GPRIN2: variants seen among roughly 807,000 people sequenced by gnomAD.
The protein encoded by GPRIN2 is G protein-regulated inducer of neurite outgrowth 2.
GPRIN2 carries 1 observed loss-of-function variant against 0.3 expected under a neutral mutation model. That is an observed-to-expected ratio of 3.90 (90% CI 1.39 to 18.51). The LOEUF is 18.51. Among genes scored for constraint, GPRIN2 ranks in the 30% most tolerant of loss-of-function variants. GPRIN2 has a pLI of 0.11. For missense variants in GPRIN2, 880 were observed against 604.2 expected (o/e 1.46, Z -4.79); for synonymous variants, 361 against 258.6 (o/e 1.40, Z -3.80).
chr10:46,550,978 C>G (rs1374810697), intron 2 of GPRIN2, among the ~76,000 whole-genome samples: 11 of 152,424 alleles, frequency 7.2e-5, no homozygotes, highest in African/African-American at 2.6e-4. Flanking sequence ...TCATCAGTCT[C>G]AAGCAGTTAG....
rs1386529729 is a variant in GPRIN2 at position 46,544,019 on chromosome 10, C to T, written c.*5341G>A. Among the ~76,000 whole-genome samples, 3 of 152,288 alleles carry T rather than the reference C, an allele frequency of 2.0e-5. No individual in the cohort carries two copies. The highest frequency in any genetic ancestry group is 6.5e-5 in the Admixed American group (1 of 15,294). On this transcript the variant is annotated 3_prime_UTR_variant, in exon 3 of 3. Transcript: ENST00000374314. ...AGGTGTTCTTCTGCTTTATTATTCC[C>T]GTGTAGCCACAGCAACAGAACTGGC...
chr10:46,556,153 GGGTA>G (rs1843194658), intron 1 of GPRIN2, among the ~76,000 whole-genome samples: 1 of 152,310 alleles, frequency 6.6e-6, no homozygotes, highest in Non-Finnish European at 1.5e-5. Flanking sequence ...GCTGGGGGCG[GGGTA>G]GGCGGCGCAG....
At chr10:46,555,627 T>A (rs887513442) in intron 1 of GPRIN2, 26 of 154,194 alleles carry the variant, frequency 1.7e-4, no homozygotes, top group African/African-American at 6.2e-4. Context: ...AGGAAAGGGT[T>A]CTGGGGTAAC....
rs1832845247 is a variant in GPRIN2 at position 46,547,537 on chromosome 10, C to T, written c.*1823G>A. Among the ~76,000 whole-genome samples, 20 of 152,306 alleles carry T rather than the reference C, an allele frequency of 1.3e-4. No homozygotes were observed. Among genetic ancestry groups the T allele is most frequent in the Non-Finnish European group, 1.0e-4 (7 of 68,052 alleles). ...TATCTGACCAGGCTGTTCCATCTGC[C>T]AGGCAGGTCCTGCCCTCTCTCCACC... On this transcript the variant is annotated 3_prime_UTR_variant, in exon 3 of 3. Coordinates refer to ENST00000374314, the MANE Select transcript of GPRIN2 (RefSeq NM_001385282.1).
At position 46,546,381 on chromosome 10, in the gene GPRIN2, G is replaced by A. The variant is rs1842163287; in HGVS notation, c.*2979C>T. ...TTCCTGCTGAGGCAAGGGGCTCTAG[G>A]ACTCCAGGGTTTATGCTCCAAAGAA... On this transcript the variant is annotated 3_prime_UTR_variant, in exon 3 of 3. Coordinates refer to ENST00000374314, the MANE Select transcript of GPRIN2 (RefSeq NM_001385282.1). Among the ~76,000 whole-genome samples, 1 of 152,310 alleles carries A rather than the reference G, an allele frequency of 6.6e-6. No individual in the cohort carries two copies. Among genetic ancestry groups the A allele is most frequent in the African/African-American group, 2.4e-5 (1 of 41,488 alleles).
At position 46,550,262 on chromosome 10, in the gene GPRIN2, C is replaced by A. The variant is rs782247071; in HGVS notation, c.475G>T (p.Gly159Cys). The A allele has an allele frequency of 6.2e-7, 1 of 1,611,090 alleles. No homozygotes were observed. Reference sequence around the variant, plus strand: ...TGGCCACCCTGGCCAGAAGTACCACCTGGCTGCAGCTGAGCCCTGTGGACA... The same window carrying A: ...TGGCCACCCTGGCCAGAAGTACCACATGGCTGCAGCTGAGCCCTGTGGACA... The part of the protein sequence containing the change: ...SPVHRAQLQP[G>C]GTSGQGGQAP... The change falls in exon 3 of 3, where the codon GGT becomes TGT. Residue 159 changes from glycine to cysteine, a missense_variant. Coordinates refer to ENST00000374314, the MANE Select transcript of GPRIN2 (RefSeq NM_001385282.1).
At position 46,545,385 on chromosome 10, in the gene GPRIN2, C is replaced by T. The variant is rs1842067881; in HGVS notation, c.*3975G>A. On this transcript the variant is annotated 3_prime_UTR_variant, in exon 3 of 3. Transcript: ENST00000374314. The stretch of plus-strand genomic sequence containing the variant: ...CTGAGGTGGGACTGCATCCAGGGCT[C>T]CCCTTTAGGGTCTGACTTGGACTGA... Among the ~76,000 whole-genome samples, 1 of 152,308 alleles carries T rather than the reference C, an allele frequency of 6.6e-6. No individual in the cohort carries two copies. The highest frequency in any genetic ancestry group is 1.5e-5 in the Non-Finnish European group (1 of 68,058).
chr10:46,550,507 GC>G lies in GPRIN2; in HGVS notation c.229del (p.Ala77ProfsTer123). 6.2e-7 allele frequency: 1 copy of G among 1,605,158 alleles called. No individual in the cohort carries two copies. Among genetic ancestry groups the G allele is most frequent in the Non-Finnish European group, 8.5e-7 (1 of 1,174,908 alleles). ...NPPESMKPAR[A>X]SGPKARPSAG... ...ACTGGGTCGCGCCTTGGGGCCAGAG[GC>G]CCGTGCTGGCTTCATGCTCTCAGGC... is the stretch of plus-strand genomic sequence containing the variant. On this transcript the variant is annotated frameshift_variant, in exon 3 of 3. Transcript: ENST00000374314. LOFTEE classifies it low-confidence loss of function (END_TRUNC).
At chr10:46,556,427 G>C (rs1843235984) in intron 1 of GPRIN2, among the ~76,000 whole-genome samples, 71 bp downstream of exon 1, 1 of 152,288 alleles carries the variant, frequency 6.6e-6, no homozygotes, top group Non-Finnish European at 1.5e-5. Context: ...GGGTTCTGAG[G>C]CTCAGCAAGG....
Position 46,549,725 on chromosome 10 carries a change from G to A in GPRIN2, c.1012C>T (p.Gln338Ter). 6.2e-7 allele frequency: 1 copy of A among 1,614,100 alleles called. No individual in the cohort carries two copies. The highest frequency in any genetic ancestry group is 8.5e-7 in the Non-Finnish European group (1 of 1,179,956). Residue 338 changes from glutamine to a stop codon, truncating the protein, a stop_gained, in exon 3 of 3, where the codon CAG (glutamine) becomes TAG (stop). Coordinates refer to ENST00000374314, the MANE Select transcript of GPRIN2 (RefSeq NM_001385282.1). LOFTEE classifies it low-confidence loss of function (END_TRUNC). ...SPLSAQDAGV[Q>*]AAPVAACKAV... is the part of the protein sequence containing the mutation. ...TTGCAGGCCGCCACTGGGGCCGCCTGCACACCAGCATCCTGGGCTGACAGC... is the reference window on the plus strand; with the variant it reads ...TTGCAGGCCGCCACTGGGGCCGCCTACACACCAGCATCCTGGGCTGACAGC...
chr10:46,553,792 T>C (rs1842871437), intron 2 of GPRIN2, among the ~76,000 whole-genome samples: 1 of 152,312 alleles, frequency 6.6e-6, no homozygotes, highest in Non-Finnish European at 1.5e-5. Flanking sequence ...CAGCTGAAAG[T>C]GGCTAATTCA....
chr10:46,553,920 G>A (rs1336499085), intron 2 of GPRIN2, among the ~76,000 whole-genome samples: 1 of 152,310 alleles, frequency 6.6e-6, no homozygotes, highest in African/African-American at 2.4e-5. Flanking sequence ...TCACAGTGCT[G>A]TGGACTGGGC....
intron 2 of GPRIN2, 99 bp from the exon 3 acceptor site, chr10:46,550,841 C>A: frequency 7.5e-7 from 1 of 1,325,248 alleles, no homozygotes; most frequent in Non-Finnish European, 1.0e-6. Context: ...CACCAGGGAG[C>A]CACCTTCAGT....
At position 46,543,231 on chromosome 10, in the gene GPRIN2, G is replaced by T. The variant is rs1189196022; in HGVS notation, c.*6129C>A. Among the ~76,000 whole-genome samples the T allele has an allele frequency of 6.6e-6, 1 of 152,428 alleles. No homozygotes were observed. ...CACAGCCACAGCTGGGGGCCTGGTG[G>T]GGGGAATGGCCAAGACCGCAAGAAG... On this transcript the variant is annotated 3_prime_UTR_variant, in exon 3 of 3. Coordinates refer to ENST00000374314, the MANE Select transcript of GPRIN2 (RefSeq NM_001385282.1).
In GPRIN2 at chr10:46,548,736, C is replaced by A. The variant is rs1842393746; in HGVS notation, c.*624G>T. Among the ~76,000 whole-genome samples the A allele has an allele frequency of 6.6e-6, 1 of 152,308 alleles. No homozygotes were observed. The highest frequency in any genetic ancestry group is 6.5e-5 in the Admixed American group (1 of 15,292). On this transcript the variant is annotated 3_prime_UTR_variant, in exon 3 of 3. Coordinates refer to ENST00000374314, the MANE Select transcript of GPRIN2 (RefSeq NM_001385282.1). ...ACTGGACCGGGCACATGCTACAGGGCAACACCCACGGCTCAGCTGGCCCTG... is the reference window on the plus strand; with the variant it reads ...ACTGGACCGGGCACATGCTACAGGGAAACACCCACGGCTCAGCTGGCCCTG...
chr10:46,548,771 C>T lies in GPRIN2; in HGVS notation c.*589G>A, dbSNP rs1842396214. The stretch of plus-strand genomic sequence containing the variant: ...GGCTCAGCTGGCCCTGGCTTTGGAT[C>T]TCAGTCCCACCTCTTCAAGCTGTCC... On this transcript the variant is annotated 3_prime_UTR_variant, in exon 3 of 3. Transcript: ENST00000374314. 6.6e-6 allele frequency among the ~76,000 whole-genome samples: 1 copy of T among 152,310 alleles called. No individual in the cohort carries two copies. The highest frequency in any genetic ancestry group is 1.5e-5 in the Non-Finnish European group (1 of 68,056).
rs1257771924 is a variant in GPRIN2, at chr10:46,547,333, A to T, written c.*2027T>A. On this transcript the variant is annotated 3_prime_UTR_variant, in exon 3 of 3. Coordinates refer to ENST00000374314, the MANE Select transcript of GPRIN2 (RefSeq NM_001385282.1). ...CACTGGAAGCCAAATGGATATTTCT[A>T]AACTGAAATCTGGTCCCACCTCAGA... is the stretch of plus-strand genomic sequence containing the variant. 8.5e-5 allele frequency among the ~76,000 whole-genome samples: 13 copies of T among 152,426 alleles called. No homozygotes were observed. Among genetic ancestry groups the T allele is most frequent in the Admixed American group, 7.2e-4 (11 of 15,310 alleles).
chr10:46,554,053 C>T (rs1180465114), intron 2 of GPRIN2, among the ~76,000 whole-genome samples: 2 of 152,240 alleles, frequency 1.3e-5, no homozygotes, highest in African/African-American at 2.4e-5. Flanking sequence ...CTTTGAGCCT[C>T]AGTTTCTTCA....
rs1565180158 is a variant in GPRIN2, at chr10:46,543,114, G to A, written c.*6246C>T. Among the ~76,000 whole-genome samples the A allele has an allele frequency of 6.6e-6, 1 of 152,310 alleles. No homozygotes were observed. The highest frequency in any genetic ancestry group is 1.5e-5 in the Non-Finnish European group (1 of 68,058). On this transcript the variant is annotated 3_prime_UTR_variant, in exon 3 of 3. Coordinates refer to ENST00000374314, the MANE Select transcript of GPRIN2 (RefSeq NM_001385282.1). ...GGGAGACCTCCCTCTGTAAGGAGAT[G>A]CTCAGATGTTTTGGTTTGTGTCCAA...
Sources: gnomAD v4.1 joint callset for allele counts (sites outside exome capture counted in the v4.1 genomes callset) on GRCh38, gnomAD v4.1.1 for gene constraint, MANE v1.5 for transcripts, NCBI Gene and HGNC (gene_info 2026-07-23, HGNC 2026-07-21) for gene names.